Variants in PLXDC2 observed in about 807,000 individuals in gnomAD.
The protein encoded by PLXDC2 is plexin domain containing 2, also known as plexin domain-containing protein 2.
A neutral mutation model predicts 68.9 loss-of-function variants in PLXDC2; 40 were observed. That is an observed-to-expected ratio of 0.58 (90% CI 0.45 to 0.76). PLXDC2 has a LOEUF of 0.76. PLXDC2 is among the 30% of genes least tolerant of loss of function. The pLI is 0.00. For missense variants in PLXDC2, 644 were observed against 661.9 expected (o/e 0.97, Z 0.30); for synonymous variants, 243 against 234.2 (o/e 1.04, Z -0.34).
At chr10:19,869,967 A>G (rs1837502956) in intron 1 of PLXDC2, among the ~76,000 whole-genome samples, 1 of 152,238 alleles carries the variant, frequency 6.6e-6, no homozygotes, top group Admixed American at 6.5e-5. Context: ...GTTGTTTTAT[A>G]AAAGCACTCT....
chr10:20,177,869 G>C (rs1296238100), intron 9 of PLXDC2, among the ~76,000 whole-genome samples: 1 of 149,488 alleles, frequency 6.7e-6, no homozygotes, highest in Admixed American at 6.6e-5. Context: ...AACAAAACTC[G>C]TAAGTGGGTA....
At chr10:20,254,044 C>A (rs1485811009) in intron 13 of PLXDC2, among the ~76,000 whole-genome samples, 1 of 152,120 alleles carries the variant, frequency 6.6e-6, no homozygotes, top group Non-Finnish European at 1.5e-5. Flanking sequence ...TCCTATGGCA[C>A]CCGGTTACAG....
chr10:19,962,027 C>T (rs575471947), intron 1 of PLXDC2, among the ~76,000 whole-genome samples: 2 of 152,020 alleles, frequency 1.3e-5, no homozygotes, highest in East Asian at 1.9e-4. Context: ...TTTTATCATG[C>T]GGAAATGAGG....
At chr10:20,122,337 C>T (rs141400937) in intron 4 of PLXDC2, among the ~76,000 whole-genome samples, 3,478 of 152,162 alleles carry the variant, frequency 0.023, 63 homozygotes, top group South Asian at 0.073. Context: ...AAGAAGGGGA[C>T]GGACTTACCC....
chr10:20,063,036 A>G (rs1373794819), intron 3 of PLXDC2, among the ~76,000 whole-genome samples: 1 of 152,198 alleles, frequency 6.6e-6, no homozygotes, highest in African/African-American at 2.4e-5. Flanking sequence ...CCACTTTACT[A>G]ATAAGAATAA....
chr10:20,012,856 G>T (rs192288618), intron 2 of PLXDC2, among the ~76,000 whole-genome samples: 2 of 152,320 alleles, frequency 1.3e-5, no homozygotes, highest in Admixed American at 6.5e-5. Context: ...GCAATGCATA[G>T]ATGTCTGAAT....
chr10:20,267,900 C>T (rs1835891359), intron 13 of PLXDC2, among the ~76,000 whole-genome samples: 1 of 151,244 alleles, frequency 6.6e-6, no homozygotes, highest in Admixed American at 6.6e-5. Flanking sequence ...TATCATCTGG[C>T]TCACATAATA....
chr10:20,170,320 A>G (rs191641147), intron 7 of PLXDC2, among the ~76,000 whole-genome samples: 53 of 152,174 alleles, frequency 3.5e-4, no homozygotes, highest in Non-Finnish European at 6.5e-4. Flanking sequence ...TCTCCCAAGT[A>G]GCTGGGATTA....
At chr10:20,068,078 A>T in intron 3 of PLXDC2, 92 bp from the exon 4 acceptor site, 5 of 1,034,516 alleles carry the variant, frequency 4.8e-6, no homozygotes, top group Non-Finnish European at 7.2e-6. Flanking sequence ...GTAAAGTAGA[A>T]GCATCATTTT....
intron 6 of PLXDC2, among the ~76,000 whole-genome samples, chr10:20,154,287 G>A (rs563612388): frequency 1.3e-5 from 2 of 152,258 alleles, no homozygotes; most frequent in African/African-American, 2.4e-5. Flanking sequence ...TCCAATGGCC[G>A]GGTACGGTGG....
At chr10:19,991,352 T>TG (rs1589573839) in intron 1 of PLXDC2, among the ~76,000 whole-genome samples, 2 of 149,746 alleles carry the variant, frequency 1.3e-5, no homozygotes, top group African/African-American at 5.0e-5. Context: ...TTTCCCTTTT[T>TG]TTTTTTTTTT....
intron 4 of PLXDC2, among the ~76,000 whole-genome samples, chr10:20,130,694 A>T (rs1020959677): frequency 1.3e-5 from 2 of 152,230 alleles, no homozygotes; most frequent in Non-Finnish European, 2.9e-5. Context: ...GAGAGTTTTT[A>T]TCATGAAAGG....
rs572911047 is a variant in PLXDC2, at chr10:20,015,974, G to A, written c.324+13988G>A. On this transcript the variant is annotated intron_variant, in intron 2 of 13. Transcript: ENST00000377252. Reference sequence around the variant, plus strand: ...TCTGTAGTCTGAAACCATTCCCCATGTCACCATTATGGCAAAGCCATCACG... The same window carrying A: ...TCTGTAGTCTGAAACCATTCCCCATATCACCATTATGGCAAAGCCATCACG... Among the ~76,000 whole-genome samples the A allele has an allele frequency of 3.9e-5, 6 of 152,246 alleles. No homozygotes were observed. In the South Asian group the frequency reaches 1.2e-3, roughly 32 times the overall value.
intron 1 of PLXDC2, among the ~76,000 whole-genome samples, chr10:19,991,236 A>C (rs1220358130): frequency 6.9e-6 from 1 of 145,394 alleles, no homozygotes; most frequent in African/African-American, 2.6e-5. Flanking sequence ...ACAAGACCGA[A>C]ACTCTCTCTC....
chr10:19,981,540 G>C lies in PLXDC2; in HGVS notation c.113-20235G>C, dbSNP rs531189626. Among the ~76,000 whole-genome samples, 221 of 152,246 alleles carry C rather than the reference G, an allele frequency of 1.5e-3. 1 individual carries two copies. Among genetic ancestry groups the C allele is most frequent in the Middle Eastern group, 0.01 (3 of 292 alleles). On this transcript the variant is annotated intron_variant, in intron 1 of 13. Coordinates refer to ENST00000377252, the MANE Select transcript of PLXDC2 (RefSeq NM_032812.9). The stretch of plus-strand genomic sequence containing the variant: ...AGAATCTTAGCAGAAGGAGATCTCT[G>C]GGACTCACCCAGACATCTGACCTGT...
intron 3 of PLXDC2, among the ~76,000 whole-genome samples, chr10:20,047,697 C>G (rs1835819992): frequency 6.6e-6 from 1 of 152,076 alleles, no homozygotes; most frequent in Admixed American, 6.6e-5. Flanking sequence ...ATTCAAGGGC[C>G]AGCCTGAATG....
intron 9 of PLXDC2, among the ~76,000 whole-genome samples, chr10:20,204,886 G>T (rs941301909): frequency 1.3e-5 from 2 of 152,088 alleles, no homozygotes; most frequent in Non-Finnish European, 2.9e-5. Flanking sequence ...ATTTCTAATG[G>T]GGTCTTAAGA....
At chr10:19,883,798 C>A (rs1247917404) in intron 1 of PLXDC2, among the ~76,000 whole-genome samples, 1 of 150,904 alleles carries the variant, frequency 6.6e-6, no homozygotes, top group Non-Finnish European at 1.5e-5. Flanking sequence ...AGTGTTCCCC[C>A]ACCTCCGTAC....
At chr10:20,007,513 A>AT (rs1469991399) in intron 2 of PLXDC2, among the ~76,000 whole-genome samples, 22 of 152,272 alleles carry the variant, frequency 1.4e-4, no homozygotes, top group Middle Eastern at 3.4e-3. Flanking sequence ...GTACTGTGTG[A>AT]TTTTTTGCCT....
Sources: allele counts gnomAD v4.1 joint callset (sites outside exome capture counted in the v4.1 genomes callset), GRCh38; gene constraint gnomAD v4.1.1; transcripts MANE v1.5; gene names NCBI Gene and HGNC (gene_info 2026-07-23, HGNC 2026-07-21).